Variants in SORCS2 observed in about 807,000 individuals in gnomAD.
SORCS2 encodes the protein sortilin related VPS10 domain containing receptor 2.
SORCS2 carries 100 observed loss-of-function variants against 141.6 expected under a neutral mutation model. The observed-to-expected ratio is 0.71, with a 90% CI of 0.60 to 0.83. The LOEUF (loss-of-function observed/expected upper bound fraction) is 0.83, where lower values mean the gene tolerates loss of function less well. SORCS2 is among the 40% of genes least tolerant of loss of function. The pLI is 0.00. For missense variants in SORCS2, 1,646 were observed against 1,560.2 expected, an observed-to-expected ratio of 1.05 and a Z score of -0.93; for synonymous variants, 789 against 676.9, an observed-to-expected ratio of 1.17 and a Z score of -2.57.
At chr4:7,732,440 T>A (rs1711774828) in intron 23 of SORCS2, among the ~76,000 whole-genome samples, 1 of 152,158 alleles carries the variant, frequency 6.6e-6, no homozygotes, top group Admixed American at 6.5e-5. Context: ...ACCTCACGCA[T>A]TTGTCACGTC....
At chr4:7,418,217 C>A (rs1725820683) in intron 2 of SORCS2, among the ~76,000 whole-genome samples, 1 of 152,198 alleles carries the variant, frequency 6.6e-6, no homozygotes, top group Admixed American at 6.5e-5. Flanking sequence ...GCAGACACAG[C>A]CTCTGTCCCC....
intron 1 of SORCS2, among the ~76,000 whole-genome samples, chr4:7,254,963 G>A (rs1467049733): frequency 3.9e-5 from 6 of 152,136 alleles, no homozygotes; most frequent in Admixed American, 3.9e-4. Context: ...CCAAGCATGG[G>A]CAACGGGGAG....
intron 2 of SORCS2, among the ~76,000 whole-genome samples, chr4:7,526,242 G>T (rs934228515): frequency 6.6e-6 from 1 of 152,252 alleles, no homozygotes; most frequent in South Asian, 2.1e-4. Context: ...TTCAGAAGAC[G>T]CCCATCGCCT....
intron 1 of SORCS2, among the ~76,000 whole-genome samples, chr4:7,338,191 T>G (rs961358009): frequency 1.5e-5 from 1 of 65,442 alleles, no homozygotes; most frequent in South Asian, 4.4e-4. Context: ...ATGTTGGATG[T>G]TGGATGGATG....
chr4:7,395,156 T>G (rs1301347788), intron 1 of SORCS2, among the ~76,000 whole-genome samples: 1 of 140,188 alleles, frequency 7.1e-6, no homozygotes, highest in Non-Finnish European at 1.5e-5. Flanking sequence ...CACTGTCCCA[T>G]CTCGGGCAAC....
intron 3 of SORCS2, among the ~76,000 whole-genome samples, chr4:7,588,798 T>G (rs1407058563): frequency 6.6e-6 from 1 of 152,240 alleles, no homozygotes; most frequent in Non-Finnish European, 1.5e-5. Flanking sequence ...TACAGTGCAG[T>G]GAATGCTCAC....
In SORCS2 at chr4:7,652,923, T is replaced by G. The variant is rs537255591; in HGVS notation, c.814-1211T>G. ...AATGCTTTTCCTTTCTTCTGCGCTCTCTCTCTGGGCCTGTCACCATGTTCT... is the reference window on the plus strand; with the variant it reads ...AATGCTTTTCCTTTCTTCTGCGCTCGCTCTCTGGGCCTGTCACCATGTTCT... On this transcript the variant is annotated intron_variant, in intron 4 of 26. Coordinates refer to ENST00000507866, the MANE Select transcript of SORCS2 (RefSeq NM_020777.3). Among the ~76,000 whole-genome samples, 23 of 152,348 alleles carry G rather than the reference T, an allele frequency of 1.5e-4. No homozygotes were observed. The South Asian group carries it at 3.1e-3, about 21-fold the overall frequency.
chr4:7,711,480 C>A (rs1191055540), intron 14 of SORCS2, among the ~76,000 whole-genome samples: 4 of 152,186 alleles, frequency 2.6e-5, no homozygotes, highest in African/African-American at 9.7e-5. Context: ...GATGCTTGGC[C>A]TCTGGTAATA....
At chr4:7,327,775 A>G (rs1026970213) in intron 1 of SORCS2, among the ~76,000 whole-genome samples, 5 of 151,850 alleles carry the variant, frequency 3.3e-5, no homozygotes, top group Non-Finnish European at 7.4e-5. Flanking sequence ...TCCCTTCCTG[A>G]GTGCATGAGG....
intron 3 of SORCS2, among the ~76,000 whole-genome samples, chr4:7,624,084 G>A (rs776592125): frequency 1.3e-5 from 2 of 152,132 alleles, no homozygotes; most frequent in African/African-American, 2.4e-5. Flanking sequence ...TCCAGTGCCC[G>A]GCATACAGAA....
chr4:7,667,272 ATG>A, intron 8 of SORCS2, 59 bp downstream of exon 8: 1 of 1,489,076 alleles, frequency 6.7e-7, no homozygotes, highest in Non-Finnish European at 9.4e-7. Flanking sequence ...ATCCTGACTC[ATG>A]GGGCAACAGG....
chr4:7,691,932 C>A (rs1724283438), intron 11 of SORCS2, among the ~76,000 whole-genome samples: 1 of 152,020 alleles, frequency 6.6e-6, no homozygotes, highest in South Asian at 2.1e-4. Context: ...ATGCAAAGCA[C>A]CGAGAGCAGC....
chr4:7,740,252 C>G lies in SORCS2; in HGVS notation c.3468C>G (p.Tyr1156Ter). 2.5e-6 allele frequency: 4 copies of G among 1,609,834 alleles called. No individual in the cohort carries two copies. Among genetic ancestry groups the G allele is most frequent in the South Asian group, 1.1e-5 (1 of 90,854 alleles). Reference protein sequence around the residue: ...LSINSREMHSYLVS With the variant: ...LSINSREMHS The stretch of plus-strand genomic sequence containing the variant: ...TCAACTCCCGAGAGATGCACAGCTA[C>G]CTGGTGAGCTGATGCCACCCCAGCA... Residue 1156 changes from tyrosine (Y) to a stop codon, truncating the protein, a stop_gained, in exon 27 of 27, where the codon TAC becomes TAG. Coordinates refer to ENST00000507866, the MANE Select transcript of SORCS2 (RefSeq NM_020777.3). LOFTEE classifies it high-confidence loss of function.
chr4:7,516,045 G>T lies in SORCS2; in HGVS notation c.549-15485G>T, dbSNP rs137940242. Among the ~76,000 whole-genome samples, 36 of 152,334 alleles carry T rather than the reference G, an allele frequency of 2.4e-4. No individual in the cohort carries two copies. The East Asian group carries it at 5.6e-3, about 24-fold the overall frequency. Reference sequence around the variant, plus strand: ...GTGGGCGTTAGCAGTACCCGTGATGGTGTCTGGGTGGGCACTGTGGTGCTC... The same window carrying T: ...GTGGGCGTTAGCAGTACCCGTGATGTTGTCTGGGTGGGCACTGTGGTGCTC... On this transcript the variant is annotated intron_variant, in intron 2 of 26. Coordinates refer to ENST00000507866, the MANE Select transcript of SORCS2 (RefSeq NM_020777.3).
chr4:7,589,157 C>T (rs1008137355), intron 3 of SORCS2, among the ~76,000 whole-genome samples: 7 of 152,246 alleles, frequency 4.6e-5, no homozygotes, highest in African/African-American at 1.7e-4. Context: ...AAGAGTTTGG[C>T]GTTTCCTGGT....
At chr4:7,265,789 A>G (rs1714681841) in intron 1 of SORCS2, among the ~76,000 whole-genome samples, 2 of 152,208 alleles carry the variant, frequency 1.3e-5, no homozygotes, top group Admixed American at 1.3e-4. Context: ...TCGCAGGGGC[A>G]GGTATCAGGA....
At chr4:7,278,734 G>C (rs1715674963) in intron 1 of SORCS2, among the ~76,000 whole-genome samples, 1 of 152,208 alleles carries the variant, frequency 6.6e-6, no homozygotes, top group Admixed American at 6.5e-5. Flanking sequence ...GAGCAGCCTT[G>C]CTTTGTGTTC....
In SORCS2 at chr4:7,712,909, C is replaced by A; in HGVS notation, c.1989+56C>A. On this transcript the variant is annotated intron_variant, in intron 15 of 26. Transcript: ENST00000507866. ...GTGGGGTACAGACTGCAAACACAGG[C>A]CCACTCTGCCTGCCAAAGTCCTCCC... The A allele has an allele frequency of 2.5e-6, 4 of 1,595,298 alleles. No individual in the cohort carries two copies. In the African/African-American group the frequency reaches 4.0e-5, roughly 16 times the overall value.
At chr4:7,347,530 G>A (rs1213246725) in intron 1 of SORCS2, among the ~76,000 whole-genome samples, 1 of 152,140 alleles carries the variant, frequency 6.6e-6, no homozygotes, top group Admixed American at 6.5e-5. Flanking sequence ...CTTGAGTGAG[G>A]CCCAGGGAGG....
Sources: allele counts gnomAD v4.1 joint callset (sites outside exome capture counted in the v4.1 genomes callset), GRCh38; gene constraint gnomAD v4.1.1; transcripts MANE v1.5; gene names NCBI Gene and HGNC (gene_info 2026-07-23, HGNC 2026-07-21).